CALN1: variants seen among roughly 807,000 people sequenced by gnomAD.
The protein encoded by CALN1 is calcium-binding protein 8.
Under a neutral mutation model 30.6 loss-of-function variants are expected in CALN1, and 17 were observed. The ratio of observed to expected loss-of-function variants is 0.56; its 90% confidence interval spans 0.38 to 0.83. CALN1 has a LOEUF of 0.83. Ranked by LOEUF, CALN1 falls within the 40% of genes least tolerant of loss-of-function variation. The pLI is 0.00. For missense variants in CALN1, 291 were observed against 354.9 expected (o/e 0.82, Z 1.45); for synonymous variants, 156 against 131.4 (o/e 1.19, Z -1.28).
chr7:72,354,351 G>A (rs954054933), intron 2 of CALN1, among the ~76,000 whole-genome samples: 1 of 152,172 alleles, frequency 6.6e-6, no homozygotes, highest in Non-Finnish European at 1.5e-5. Flanking sequence ...TGGATTAGAG[G>A]TTTGATAATT....
intron 5 of CALN1, among the ~76,000 whole-genome samples, chr7:71,910,722 C>CA (rs1413465390): frequency 6.6e-6 from 1 of 152,184 alleles, no homozygotes; most frequent in African/African-American, 2.4e-5. Context: ...CTAATCCTGT[C>CA]AGTTAATTTC....
At chr7:71,979,635 A>G (rs1428044888) in intron 5 of CALN1, among the ~76,000 whole-genome samples, 3 of 152,106 alleles carry the variant, frequency 2.0e-5, no homozygotes, top group Admixed American at 6.6e-5. Context: ...CTGCTTCCTA[A>G]CAGGTCATGG....
At chr7:72,445,934 G>T (rs1051022356) in intron 1 of CALN1, among the ~76,000 whole-genome samples, 2 of 152,178 alleles carry the variant, frequency 1.3e-5, no homozygotes, top group Admixed American at 6.5e-5. Flanking sequence ...CTTGAACGGG[G>T]ATGTTAACCA....
chr7:72,331,000 G>A (rs1801634865), intron 2 of CALN1, among the ~76,000 whole-genome samples: 1 of 152,130 alleles, frequency 6.6e-6, no homozygotes, highest in South Asian at 2.1e-4. Flanking sequence ...TGGAAGACAA[G>A]CTCAACATCA....
intron 5 of CALN1, among the ~76,000 whole-genome samples, chr7:71,812,163 C>T (rs1197733562): frequency 6.6e-6 from 1 of 152,188 alleles, no homozygotes; most frequent in African/African-American, 2.4e-5. Context: ...AAGTGGGGAA[C>T]ACCTACAGCT....
intron 2 of CALN1, among the ~76,000 whole-genome samples, chr7:72,363,882 G>A (rs956548757): frequency 6.6e-6 from 1 of 151,596 alleles, no homozygotes; most frequent in Non-Finnish European, 1.5e-5. Flanking sequence ...TTACAGGCAG[G>A]CACCACCATG....
chr7:72,489,066 G>A, the CALN1 span, among the ~76,000 whole-genome samples: 1 of 152,026 alleles, frequency 6.6e-6, no homozygotes, highest in African/African-American at 2.4e-5. Flanking sequence ...TGTGGTTCAA[G>A]GATTATTGGG....
intron 2 of CALN1, among the ~76,000 whole-genome samples, chr7:72,307,411 A>G (rs1222838279): frequency 1.3e-5 from 2 of 152,112 alleles, no homozygotes; most frequent in East Asian, 3.9e-4. Flanking sequence ...CTGAGGGCAC[A>G]CCCTACGAAG....
chr7:71,834,338 C>T (rs753900194), intron 5 of CALN1, among the ~76,000 whole-genome samples: 42 of 101,968 alleles, frequency 4.1e-4, no homozygotes, highest in Non-Finnish European at 6.5e-4. Flanking sequence ...AAGGTAATTA[C>T]GATCCACCCT....
chr7:72,024,900 G>A (rs970775349), intron 4 of CALN1, among the ~76,000 whole-genome samples: 4 of 152,142 alleles, frequency 2.6e-5, no homozygotes, highest in African/African-American at 9.7e-5. Flanking sequence ...TCTCTAAGAC[G>A]GAGCTGAAAT....
At chr7:71,865,554 C>G (rs980619109) in intron 5 of CALN1, among the ~76,000 whole-genome samples, 1 of 152,222 alleles carries the variant, frequency 6.6e-6, no homozygotes, top group African/African-American at 2.4e-5. Context: ...AAAGCCTTAT[C>G]TGGTTCTTCC....
intron 5 of CALN1, among the ~76,000 whole-genome samples, chr7:71,852,754 T>G (rs1790722084): frequency 6.6e-6 from 1 of 152,212 alleles, no homozygotes; most frequent in Admixed American, 6.5e-5. Flanking sequence ...ACTTTTTTTC[T>G]GGGCAAGAAG....
intron 4 of CALN1, among the ~76,000 whole-genome samples, chr7:72,039,512 A>T (rs1801998552): frequency 6.6e-6 from 1 of 152,214 alleles, no homozygotes; most frequent in African/African-American, 2.4e-5. Context: ...GCTACTAATC[A>T]CATTACAGAC....
intron 3 of CALN1, among the ~76,000 whole-genome samples, chr7:72,236,754 G>A (rs1439584379): frequency 2.0e-5 from 3 of 152,196 alleles, no homozygotes; most frequent in Non-Finnish European, 4.4e-5. Context: ...TTGATTTTCA[G>A]CTTTAATGAT....
At chr7:72,068,700 AGGCTG>A in intron 4 of CALN1, among the ~76,000 whole-genome samples, 1 of 152,290 alleles carries the variant, frequency 6.6e-6, no homozygotes, top group South Asian at 2.1e-4. Flanking sequence ...CAGGCTAGCG[AGGCTG>A]GTCTCGAACT....
chr7:72,172,131 T>C (rs1267067833), intron 3 of CALN1, among the ~76,000 whole-genome samples: 1 of 152,212 alleles, frequency 6.6e-6, no homozygotes, highest in African/African-American at 2.4e-5. Flanking sequence ...TCCAGCCTGA[T>C]TGTGACTAAG....
At chr7:72,105,264 T>C (rs1279491823) in intron 4 of CALN1, among the ~76,000 whole-genome samples, 1 of 152,204 alleles carries the variant, frequency 6.6e-6, no homozygotes, top group Non-Finnish European at 1.5e-5. Flanking sequence ...GCGGGACAGT[T>C]ACCTGTTTCA....
the CALN1 span, among the ~76,000 whole-genome samples, chr7:72,456,891 C>T: frequency 2.0e-4 from 31 of 151,796 alleles, no homozygotes; most frequent in Admixed American, 1.2e-3. Context: ...CTCAACCATA[C>T]GGCATATCTA....
chr7:71,796,235 A>G (rs12699087), intron 6 of CALN1, among the ~76,000 whole-genome samples: 27,128 of 151,960 alleles, frequency 0.18, 3,462 homozygotes, highest in East Asian at 0.65. Flanking sequence ...TTTGGGTACT[A>G]TATGAGTCAT....
Sources: gnomAD v4.1 joint callset for allele counts (sites outside exome capture counted in the v4.1 genomes callset) on GRCh38, gnomAD v4.1.1 for gene constraint, MANE v1.5 for transcripts, NCBI Gene and HGNC (gene_info 2026-07-23, HGNC 2026-07-21) for gene names.